Variants in RARS2 observed in about 807,000 individuals in gnomAD.
The protein encoded by RARS2 is arginyl-tRNA synthetase 2, mitochondrial, also known as probable arginine--tRNA ligase, mitochondrial.
A neutral mutation model predicts 88.5 loss-of-function variants in RARS2; 67 were observed. The ratio of observed to expected loss-of-function variants is 0.76; its 90% CI spans 0.62 to 0.93. The LOEUF (loss-of-function observed/expected upper bound fraction) is 0.93. Ranked by LOEUF, RARS2 falls within the 40% of genes least tolerant of loss-of-function variation. RARS2 has a pLI of 0.00. For missense variants in RARS2, 664 were observed against 684.2 expected (o/e 0.97, Z 0.33); for synonymous variants, 239 against 230.3 (o/e 1.04, Z -0.34).
rs576285909 is a variant in RARS2, at chr6:87,576,345, C to T, written c.37-6755G>A. The stretch of plus-strand genomic sequence containing the variant: ...AGGCTGGAGTGCAGTGGCGCGATCT[C>T]GGCTCACTGCAAGCTCCGCCTCCCG... On this transcript the variant is annotated intron_variant, in intron 1 of 19. Coordinates refer to ENST00000369536, the MANE Select transcript of RARS2 (RefSeq NM_020320.5). 3.2e-5 allele frequency among the ~76,000 whole-genome samples: 3 copies of T among 93,860 alleles called. 1 individual carries two copies. Among genetic ancestry groups the T allele is most frequent in the Non-Finnish European group, 6.2e-5 (3 of 48,182 alleles). 61.6% of individuals were successfully genotyped at this position (93,860 alleles called of 152,430 possible). A position where few individuals can be genotyped will look rare whatever the true frequency, so the allele number is the denominator to read the frequency against.
At chr6:87,541,795 G>A in intron 8 of RARS2, 123 bp downstream of exon 8, 1 of 731,212 alleles carries the variant, frequency 1.4e-6, no homozygotes, top group South Asian at 1.5e-5. Flanking sequence ...CTGCACTCCA[G>A]CCTGGGCAAC....
chr6:87,588,572 C>T (rs965001443), intron 1 of RARS2, among the ~76,000 whole-genome samples: 29 of 152,058 alleles, frequency 1.9e-4, no homozygotes, highest in African/African-American at 6.8e-4. Context: ...ACGGGGTCTA[C>T]CTATGTTGTC....
chr6:87,531,826 T>C (rs779907019), intron 8 of RARS2, among the ~76,000 whole-genome samples: 1 of 152,220 alleles, frequency 6.6e-6, no homozygotes, highest in Non-Finnish European at 1.5e-5. Context: ...CAAGTAGTAC[T>C]GAAGTTATAC....
intron 8 of RARS2, among the ~76,000 whole-genome samples, chr6:87,536,249 T>C (rs909545843): frequency 4.6e-5 from 7 of 152,226 alleles, no homozygotes; most frequent in Admixed American, 1.3e-4. Flanking sequence ...CCTGATAAGT[T>C]ACCTTTAAAA....
chr6:87,519,796 T>C, intron 13 of RARS2, 89 bp from the exon 14 acceptor site: 2 of 1,473,110 alleles, frequency 1.4e-6, no homozygotes, highest in Non-Finnish European at 1.9e-6. Flanking sequence ...GTTTGAACTT[T>C]AACCATCAGA....
At chr6:87,530,652 T>TTC in intron 9 of RARS2, 132 bp downstream of exon 9, 1 of 1,228,246 alleles carries the variant, frequency 8.1e-7, no homozygotes, top group Admixed American at 2.0e-5. Flanking sequence ...AAAAAAAAAT[T>TTC]TGAGTCTTAA....
At position 87,514,398 on chromosome 6, in the gene RARS2, C is replaced by A; in HGVS notation, c.*15G>T. 1 of 1,553,176 alleles carries A rather than the reference C, an allele frequency of 6.4e-7. No homozygotes were observed. ...TAGAATTCACTTGACATTTTAAAAG[C>A]CATTTTAATGGAAATTACATCCTAC... On this transcript the variant is annotated 3_prime_UTR_variant, in exon 20 of 20. Transcript: ENST00000369536.
At position 87,576,365 on chromosome 6, in the gene RARS2, C is replaced by T. The variant is rs1168122006; in HGVS notation, c.37-6775G>A. 3.8e-5 allele frequency among the ~76,000 whole-genome samples: 4 copies of T among 105,592 alleles called. 1 individual carries two copies. Among genetic ancestry groups the T allele is most frequent in the East Asian group, 2.6e-4 (1 of 3,798 alleles). The allele number at this position is 105,592 out of a possible 152,430, so 69.3% of individuals were successfully genotyped here. ...GATCTCGGCTCACTGCAAGCTCCGC[C>T]TCCCGGGTTCACGCCATTCTCCTGC... On this transcript the variant is annotated intron_variant, in intron 1 of 19. Coordinates refer to ENST00000369536, the MANE Select transcript of RARS2 (RefSeq NM_020320.5).
chr6:87,546,373 G>A (rs1782640485), intron 6 of RARS2, among the ~76,000 whole-genome samples: 1 of 152,146 alleles, frequency 6.6e-6, no homozygotes, highest in African/African-American at 2.4e-5. Flanking sequence ...GATTTGGAAG[G>A]TGAGCTACTT....
chr6:87,567,184 G>A (rs1301740574), intron 2 of RARS2, among the ~76,000 whole-genome samples: 7 of 152,072 alleles, frequency 4.6e-5, no homozygotes, highest in African/African-American at 1.7e-4. Flanking sequence ...CCCAGGAGGC[G>A]GAGGTTGCAG....
At chr6:87,554,620 C>G (rs1320035907) in intron 5 of RARS2, among the ~76,000 whole-genome samples, 1 of 152,088 alleles carries the variant, frequency 6.6e-6, no homozygotes, top group Admixed American at 6.6e-5. Context: ...CCATGCACAA[C>G]TAATTTTTCT....
chr6:87,545,595 TA>T lies in RARS2; in HGVS notation c.535+20del. On this transcript the variant is annotated intron_variant, in intron 7 of 19. Coordinates refer to ENST00000369536, the MANE Select transcript of RARS2 (RefSeq NM_020320.5). ...TTGAATTTTACAATGAAATGAAAAA[TA>T]AAATCTCAAGTGTACTTACCAAACT... 1 of 1,612,820 alleles carries T rather than the reference TA, an allele frequency of 6.2e-7. No individual in the cohort carries two copies. Among genetic ancestry groups the T allele is most frequent in the East Asian group, 2.2e-5 (1 of 44,750 alleles).
At chr6:87,579,128 AC>A in intron 1 of RARS2, among the ~76,000 whole-genome samples, 1 of 152,058 alleles carries the variant, frequency 6.6e-6, no homozygotes, top group Non-Finnish European at 1.5e-5. Flanking sequence ...GGTGAAGAAA[AC>A]TTAAAAATCT....
intron 1 of RARS2, among the ~76,000 whole-genome samples, chr6:87,582,602 C>A (rs932410951): frequency 6.6e-6 from 1 of 152,136 alleles, no homozygotes; most frequent in East Asian, 1.9e-4. Flanking sequence ...ACAACTTGTG[C>A]TTCTAAGCAG....
chr6:87,518,475 ATTTT>A, intron 16 of RARS2, 151 bp downstream of exon 16: 1 of 1,079,770 alleles, frequency 9.3e-7, no homozygotes, highest in South Asian at 1.8e-5. Flanking sequence ...TGCTCAATAA[ATTTT>A]TTTTTTTTCC....
chr6:87,557,605 G>A (rs1046985316), intron 4 of RARS2, among the ~76,000 whole-genome samples: 1 of 152,180 alleles, frequency 6.6e-6, no homozygotes, highest in Non-Finnish European at 1.5e-5. Flanking sequence ...AAATAAGGCT[G>A]AAGTCCCTTT....
At chr6:87,565,415 A>G (rs1333474743) in intron 2 of RARS2, among the ~76,000 whole-genome samples, 2 of 152,224 alleles carry the variant, frequency 1.3e-5, no homozygotes, top group Non-Finnish European at 2.9e-5. Flanking sequence ...AGAAACAAAC[A>G]CAAAGCAACT....
chr6:87,530,695 C>G, intron 9 of RARS2, 89 bp downstream of exon 9: 7 of 1,517,184 alleles, frequency 4.6e-6, no homozygotes, highest in Non-Finnish European at 5.5e-6. Context: ...ATTTTTAAAA[C>G]ACAAGCTTAA....
intron 1 of RARS2, among the ~76,000 whole-genome samples, chr6:87,579,562 G>C (rs545365646): frequency 2.0e-5 from 3 of 152,036 alleles, no homozygotes; most frequent in East Asian, 1.9e-4. Flanking sequence ...CCACGGCTTA[G>C]GGAGAGAGCA....
Sources: gnomAD v4.1 joint callset for allele counts (sites outside exome capture counted in the v4.1 genomes callset) on GRCh38, gnomAD v4.1.1 for gene constraint, MANE v1.5 for transcripts, NCBI Gene and HGNC (gene_info 2026-07-23, HGNC 2026-07-21) for gene names.